XYLT1: variants seen among roughly 807,000 people sequenced by gnomAD.
XYLT1 encodes the protein xylosyltransferase 1.
A neutral mutation model predicts 91.3 loss-of-function variants in XYLT1; 36 were observed. That is an observed-to-expected ratio of 0.39 (90% CI 0.30 to 0.52). XYLT1 has a LOEUF of 0.52. Among genes scored for constraint, XYLT1 ranks in the 20% least tolerant of loss-of-function variants. The pLI is 0.68. For missense variants in XYLT1, 1,242 were observed against 1,284.5 expected (o/e 0.97, Z 0.51); for synonymous variants, 588 against 532.0 (o/e 1.11, Z -1.45).
chr16:17,432,347 A>T lies in XYLT1; in HGVS notation c.363+38087T>A, dbSNP rs936591102. On this transcript the variant is annotated intron_variant, in intron 1 of 11. Coordinates refer to ENST00000261381, the MANE Select transcript of XYLT1 (RefSeq NM_022166.4). ...GTGTCCATCAGCCAGTGAATTAGTA[A>T]ATAACATGCCGTATATCCTTACAGT... 2.0e-5 allele frequency among the ~76,000 whole-genome samples: 3 copies of T among 152,322 alleles called. No individual in the cohort carries two copies. The East Asian group carries it at 5.8e-4, about 29-fold the overall frequency.
intron 2 of XYLT1, 82 bp downstream of exon 2, chr16:17,357,930 C>T: frequency 6.6e-7 from 1 of 1,517,850 alleles, no homozygotes. Flanking sequence ...CCTGTCCAGC[C>T]TTTCAGAGCC....
At chr16:17,162,934 G>A (rs1283791122) in intron 5 of XYLT1, among the ~76,000 whole-genome samples, 1 of 152,106 alleles carries the variant, frequency 6.6e-6, no homozygotes, top group African/African-American at 2.4e-5. Context: ...ATTTCAATAA[G>A]CCTTAGGTCT....
At chr16:17,322,643 A>T (rs1306280407) in intron 2 of XYLT1, among the ~76,000 whole-genome samples, 1 of 151,962 alleles carries the variant, frequency 6.6e-6, no homozygotes, top group Non-Finnish European at 1.5e-5. Context: ...TGCCCTGCTA[A>T]CTCTTTTTTA....
intron 2 of XYLT1, among the ~76,000 whole-genome samples, chr16:17,313,188 G>T (rs1426798149): frequency 6.6e-6 from 1 of 152,214 alleles, no homozygotes; most frequent in Non-Finnish European, 1.5e-5. Flanking sequence ...ACAAAAATCT[G>T]CAGTTCTGAG....
At chr16:17,441,014 G>T (rs1240921736) in intron 1 of XYLT1, among the ~76,000 whole-genome samples, 7 of 152,078 alleles carry the variant, frequency 4.6e-5, no homozygotes, top group Non-Finnish European at 7.4e-5. Context: ...TAAGGACTCA[G>T]AGTAGTGCCA....
At chr16:17,427,780 A>G (rs1033433109) in intron 1 of XYLT1, among the ~76,000 whole-genome samples, 4 of 152,182 alleles carry the variant, frequency 2.6e-5, no homozygotes, top group Non-Finnish European at 4.4e-5. Context: ...CTTTAAAATC[A>G]CAGGTTTAAT....
At chr16:17,172,541 G>A (rs1403215695) in intron 5 of XYLT1, among the ~76,000 whole-genome samples, 2 of 142,682 alleles carry the variant, frequency 1.4e-5, no homozygotes, top group South Asian at 2.1e-4. Flanking sequence ...GCGTGATCTC[G>A]GCTCACTGCA....
chr16:17,110,925 T>C (rs546594657), intron 11 of XYLT1, among the ~76,000 whole-genome samples: 1 of 152,278 alleles, frequency 6.6e-6, no homozygotes, highest in African/African-American at 2.4e-5. Context: ...TTTGTGAGGC[T>C]GAGGCAGGTG....
intron 2 of XYLT1, among the ~76,000 whole-genome samples, chr16:17,328,096 G>T (rs566987256): frequency 6.6e-6 from 1 of 152,266 alleles, no homozygotes; most frequent in South Asian, 2.1e-4. Context: ...CCCTTTCACA[G>T]AGCTCGGCTG....
intron 10 of XYLT1, among the ~76,000 whole-genome samples, chr16:17,125,163 A>ATTCACAATT (rs1449436350): frequency 6.6e-6 from 1 of 152,138 alleles, no homozygotes; most frequent in African/African-American, 2.4e-5. Context: ...AAGCAAGCCA[A>ATTCACAATT]TTCACAATTC....
At chr16:17,329,431 C>T (rs1196628722) in intron 2 of XYLT1, among the ~76,000 whole-genome samples, 1 of 152,196 alleles carries the variant, frequency 6.6e-6, no homozygotes, top group East Asian at 1.9e-4. Flanking sequence ...CGTCCTTATG[C>T]CAATAGTAAA....
chr16:17,235,040 A>T (rs1192444828), intron 3 of XYLT1, among the ~76,000 whole-genome samples: 1 of 151,926 alleles, frequency 6.6e-6, no homozygotes, highest in Non-Finnish European at 1.5e-5. Flanking sequence ...TCTCATTATG[A>T]GAAAATGGGA....
At chr16:17,421,404 C>T (rs905019456) in intron 1 of XYLT1, among the ~76,000 whole-genome samples, 1 of 152,178 alleles carries the variant, frequency 6.6e-6, no homozygotes, top group African/African-American at 2.4e-5. Flanking sequence ...TTTTTCCCGT[C>T]CTTAGAATCT....
intron 1 of XYLT1, among the ~76,000 whole-genome samples, chr16:17,417,259 T>C (rs981758335): frequency 6.6e-6 from 1 of 152,224 alleles, no homozygotes; most frequent in African/African-American, 2.4e-5. Context: ...GTAAATATTA[T>C]CCTATTTTAC....
intron 6 of XYLT1, among the ~76,000 whole-genome samples, chr16:17,143,479 C>T (rs1040900634): frequency 1.3e-5 from 2 of 152,306 alleles, no homozygotes; most frequent in African/African-American, 4.8e-5. Context: ...CCCTTACACA[C>T]GACCAGGACT....
chr16:17,385,267 C>CAG (rs572226829), intron 1 of XYLT1, among the ~76,000 whole-genome samples: 1 of 101,600 alleles, frequency 9.8e-6, no homozygotes. Flanking sequence ...CATAAACACA[C>CAG]ATACACACAC....
At chr16:17,466,675 G>A (rs760584680) in intron 1 of XYLT1, among the ~76,000 whole-genome samples, 41 of 152,088 alleles carry the variant, frequency 2.7e-4, no homozygotes, top group African/African-American at 3.4e-4. Context: ...TGAAAAGACC[G>A]GAAGGAAAGT....
chr16:17,277,524 G>A (rs1481902276), intron 2 of XYLT1, among the ~76,000 whole-genome samples: 1 of 151,798 alleles, frequency 6.6e-6, no homozygotes. Flanking sequence ...TGAGTAGGTG[G>A]GATTACAGGG....
At chr16:17,318,592 G>C (rs1018766998) in intron 2 of XYLT1, among the ~76,000 whole-genome samples, 6 of 152,238 alleles carry the variant, frequency 3.9e-5, no homozygotes, top group Admixed American at 3.9e-4. Context: ...TGCAATCCTG[G>C]GGTCAGTTAT....
Sources: allele counts gnomAD v4.1 joint callset (sites outside exome capture counted in the v4.1 genomes callset), GRCh38; gene constraint gnomAD v4.1.1; transcripts MANE v1.5; gene names NCBI Gene and HGNC (gene_info 2026-07-23, HGNC 2026-07-21).